ANXA10: variants seen among roughly 807,000 people sequenced by gnomAD.
ANXA10 encodes annexin 14.
Under a neutral mutation model 53.5 loss-of-function variants are expected in ANXA10, and 49 were observed. That is an observed-to-expected ratio of 0.92 (90% CI 0.73 to 1.16). The LOEUF is 1.16. Among genes scored for constraint, ANXA10 ranks in the 50% most tolerant of loss-of-function variants. The probability of loss-of-function intolerance (pLI) is 0.00; values close to 1 mark genes in which losing one functional copy is unlikely to be tolerated. For synonymous variants in ANXA10, 131 were observed against 128.9 expected (o/e 1.02, Z -0.11); for missense variants, 393 against 394.4 (o/e 1.00, Z 0.03).
At chr4:168,110,278 A>G (rs1176364866) in intron 1 of ANXA10, among the ~76,000 whole-genome samples, 1 of 152,126 alleles carries the variant, frequency 6.6e-6, no homozygotes, top group African/African-American at 2.4e-5. Context: ...GAAACCTGTT[A>G]ACCAACTGAT....
chr4:168,119,424 G>T (rs535820090), intron 1 of ANXA10, among the ~76,000 whole-genome samples: 2 of 152,208 alleles, frequency 1.3e-5, no homozygotes, highest in South Asian at 4.1e-4. Flanking sequence ...TATACAGGTG[G>T]AGCAAAGCAA....
At chr4:168,129,655 A>G (rs547540177) in intron 2 of ANXA10, among the ~76,000 whole-genome samples, 2 of 152,276 alleles carry the variant, frequency 1.3e-5, no homozygotes, top group South Asian at 2.1e-4. Flanking sequence ...GAAAAAGACA[A>G]TAACTAATGT....
At chr4:168,153,852 G>C (rs1178242454) in intron 3 of ANXA10, among the ~76,000 whole-genome samples, 1 of 152,096 alleles carries the variant, frequency 6.6e-6, no homozygotes, top group Non-Finnish European at 1.5e-5. Flanking sequence ...GAGGATTCAA[G>C]CCTAAAAACC....
intron 6 of ANXA10, among the ~76,000 whole-genome samples, chr4:168,171,543 T>TG (rs1446107852): frequency 1.3e-5 from 2 of 152,118 alleles, no homozygotes; most frequent in Non-Finnish European, 2.9e-5. Context: ...TAATAGAGAC[T>TG]GGGGTAATTG....
intron 6 of ANXA10, among the ~76,000 whole-genome samples, chr4:168,170,578 T>G (rs2149478807): frequency 6.6e-6 from 1 of 152,338 alleles, no homozygotes; most frequent in South Asian, 2.1e-4. Flanking sequence ...GTGTTACTTC[T>G]TAAGTTTGAT....
Position 168,162,623 on chromosome 4 carries a change from G to A in ANXA10, c.291G>A (p.Glu97=), listed in dbSNP as rs763986667. Residue 97 remains glutamate (E), a synonymous_variant, in exon 4 of 12, where the codon GAG becomes GAA. Coordinates refer to ENST00000359299, the MANE Select transcript of ANXA10 (RefSeq NM_007193.5). ...CACCACCACTGTATGATGCTCATGAGCTCTGGCATGCCATGAAGGTAGTGA... is the reference window on the plus strand; with the variant it reads ...CACCACCACTGTATGATGCTCATGAACTCTGGCATGCCATGAAGGTAGTGA... ...MYPPPLYDAH[E]LWHAMKGVGT... 5.6e-6 allele frequency: 9 copies of A among 1,613,704 alleles called. No individual in the cohort carries two copies. The highest frequency in any genetic ancestry group is 7.6e-6 in the Non-Finnish European group (9 of 1,179,806).
chr4:168,144,018 A>G (rs1370816190), intron 3 of ANXA10, among the ~76,000 whole-genome samples: 2 of 152,126 alleles, frequency 1.3e-5, no homozygotes, highest in South Asian at 2.1e-4. Flanking sequence ...CCCAAGCCCT[A>G]TGCTAGAGCT....
intron 2 of ANXA10, among the ~76,000 whole-genome samples, chr4:168,133,779 G>A (rs570187559): frequency 6.6e-6 from 1 of 152,030 alleles, no homozygotes; most frequent in South Asian, 2.1e-4. Flanking sequence ...CAGTGTTCAT[G>A]GCAAATTTGT....
At chr4:168,181,851 T>G in intron 10 of ANXA10, 110 bp downstream of exon 10, 3 of 823,714 alleles carry the variant, frequency 3.6e-6, no homozygotes, top group Non-Finnish European at 5.9e-6. Flanking sequence ...TGAACTTGTA[T>G]GTACAAAGAA....
rs11940073 is a variant in ANXA10, at chr4:168,096,997, T to C, written c.18+4279T>C. 8.9e-3 allele frequency among the ~76,000 whole-genome samples: 1,314 copies of C among 147,106 alleles called. 29 individuals are homozygous for C. The highest frequency in any genetic ancestry group is 0.032 in the African/African-American group (1,251 of 39,688). On this transcript the variant is annotated intron_variant, in intron 1 of 11. Transcript: ENST00000359299. ...TGTGTATATATACAACAGTCCCAAA[T>C]TTTATAAAGAAATTTGAGAAACAAC...
intron 6 of ANXA10, among the ~76,000 whole-genome samples, chr4:168,170,637 C>T (rs1326967953): frequency 1.3e-5 from 2 of 152,108 alleles, no homozygotes; most frequent in African/African-American, 4.8e-5. Flanking sequence ...AACCTTGGAA[C>T]AGCACTTAAG....
intron 1 of ANXA10, among the ~76,000 whole-genome samples, chr4:168,105,467 G>A (rs1304646184): frequency 6.6e-6 from 1 of 151,916 alleles, no homozygotes; most frequent in Admixed American, 6.6e-5. Context: ...TTATGGCTGT[G>A]TAGTATTCCA....
chr4:168,092,798 G>A (rs1038290545), intron 1 of ANXA10, 80 bp downstream of exon 1: 22 of 1,306,476 alleles, frequency 1.7e-5, no homozygotes, highest in Non-Finnish European at 2.0e-5. Flanking sequence ...GTTTTTTGAC[G>A]TTTTTAACAG....
intron 6 of ANXA10, among the ~76,000 whole-genome samples, chr4:168,174,385 C>T (rs920923378): frequency 1.3e-5 from 2 of 152,226 alleles, no homozygotes; most frequent in Non-Finnish European, 2.9e-5. Flanking sequence ...CCTGGTCCAG[C>T]CACAAGCCCC....
At chr4:168,169,147 C>T (rs546947842) in intron 6 of ANXA10, among the ~76,000 whole-genome samples, 1 of 152,168 alleles carries the variant, frequency 6.6e-6, no homozygotes, top group Non-Finnish European at 1.5e-5. Flanking sequence ...CAGAAAAATA[C>T]ATTTTCAATA....
intron 10 of ANXA10, among the ~76,000 whole-genome samples, chr4:168,182,707 T>G (rs1340471602): frequency 1.4e-5 from 2 of 147,814 alleles, no homozygotes; most frequent in African/African-American, 2.5e-5. Context: ...CATATCTACA[T>G]GAAACAAAAA....
At chr4:168,175,632 A>T (rs1732113661) in intron 6 of ANXA10, among the ~76,000 whole-genome samples, 1 of 152,202 alleles carries the variant, frequency 6.6e-6, no homozygotes, top group South Asian at 2.1e-4. Context: ...CCACTCAATA[A>T]CATTATTCAC....
intron 2 of ANXA10, among the ~76,000 whole-genome samples, chr4:168,135,574 A>C (rs1731224113): frequency 6.6e-6 from 1 of 152,202 alleles, no homozygotes; most frequent in South Asian, 2.1e-4. Flanking sequence ...TGACTGCAAA[A>C]TTCATCTAAA....
At chr4:168,121,787 C>T (rs1157901292) in intron 1 of ANXA10, among the ~76,000 whole-genome samples, 1 of 151,844 alleles carries the variant, frequency 6.6e-6, no homozygotes. Flanking sequence ...GGAAACATTC[C>T]CTTTAGTTTT....
Sources: gnomAD v4.1 joint callset for allele counts (sites outside exome capture counted in the v4.1 genomes callset) on GRCh38, gnomAD v4.1.1 for gene constraint, MANE v1.5 for transcripts, NCBI Gene and HGNC (gene_info 2026-07-23, HGNC 2026-07-21) for gene names.